ZBTB11: variants seen among roughly 807,000 people sequenced by gnomAD.
The protein encoded by ZBTB11 is zinc finger and BTB domain-containing protein 11.
ZBTB11 carries 68 observed loss-of-function variants against 113.1 expected under a neutral mutation model. The observed-to-expected ratio is 0.60, with a 90% CI of 0.49 to 0.74. The LOEUF is 0.74. ZBTB11 is among the 30% of genes least tolerant of loss of function. The pLI is 0.00. For missense variants in ZBTB11, 1,104 were observed against 1,279.4 expected (o/e 0.86, Z 2.09); for synonymous variants, 518 against 452.6 (o/e 1.14, Z -1.83).
Position 101,651,039 on chromosome 3 carries a change from AC to A in ZBTB11, c.*126del. 1 of 1,118,414 alleles carries A rather than the reference AC, an allele frequency of 8.9e-7. No individual in the cohort carries two copies. Among genetic ancestry groups the A allele is most frequent in the East Asian group, 2.5e-5 (1 of 40,338 alleles). 69.3% of individuals were successfully genotyped at this position (1,118,414 alleles called of 1,614,324 possible). A position where few individuals can be genotyped will look rare whatever the true frequency, so the allele number is the denominator to read the frequency against. On this transcript the variant is annotated 3_prime_UTR_variant, in exon 11 of 11. Transcript: ENST00000312938. The stretch of plus-strand genomic sequence containing the variant: ...GCCAGACAAAATGTTTGGAAACGTT[AC>A]GTTACCAAACAGCCCAGAACTTTGA...
chr3:101,653,884 G>C (rs1936748074), intron 8 of ZBTB11, among the ~76,000 whole-genome samples: 2 of 152,284 alleles, frequency 1.3e-5, no homozygotes, highest in South Asian at 2.1e-4. Flanking sequence ...GCAAAAGAGA[G>C]AGCTTCCTGG....
chr3:101,656,319 G>C, intron 6 of ZBTB11, 71 bp from the exon 7 acceptor site: 3 of 901,762 alleles, frequency 3.3e-6, no homozygotes, highest in Non-Finnish European at 4.5e-6. Context: ...TGAAGACAGA[G>C]AAAATGAATA....
intron 5 of ZBTB11, among the ~76,000 whole-genome samples, chr3:101,661,728 C>A (rs1180363400): frequency 1.3e-5 from 2 of 152,176 alleles, no homozygotes; most frequent in Non-Finnish European, 2.9e-5. Context: ...TACTTTAATA[C>A]AGTTTTATTT....
rs751383483 is a variant in ZBTB11, at chr3:101,659,916, G to A, written c.1913C>T (p.Ser638Leu). The change falls in exon 6 of 11, where the codon TCG becomes TTG. Residue 638 changes from serine (S) to leucine (L), a missense_variant. By Grantham distance (145) the Ser-to-Leu change is moderately radical. Around this residue, in one of 5 missense-constraint regions of ZBTB11, gnomAD observed 535 missense variants for 518.6 expected, o/e 1.03. Coordinates refer to ENST00000312938, the MANE Select transcript of ZBTB11 (RefSeq NM_014415.4). ...SSSNSTSNEA[S>L]GTSSEKGRTK... Reference sequence around the variant, plus strand: ...TCTGCCCTTCTCAGATGATGTTCCCGATGCTTCATTAGACGTGGAATTGGA... The same window carrying A: ...TCTGCCCTTCTCAGATGATGTTCCCAATGCTTCATTAGACGTGGAATTGGA... 10 of 1,614,154 alleles carry A rather than the reference G, an allele frequency of 6.2e-6. No individual in the cohort carries two copies. Among genetic ancestry groups the A allele is most frequent in the East Asian group, 2.2e-5 (1 of 44,868 alleles).
intron 3 of ZBTB11, 79 bp from the exon 4 acceptor site, chr3:101,665,887 T>C: frequency 7.3e-7 from 1 of 1,377,236 alleles, no homozygotes; most frequent in Non-Finnish European, 9.9e-7. Context: ...ATATAAAATA[T>C]AATTCAAAGG....
rs755732053 is a variant in ZBTB11, at chr3:101,654,664, TAATTA to T, written c.2309+35_2309+39del. 9 of 1,518,352 alleles carry T rather than the reference TAATTA, an allele frequency of 5.9e-6. No homozygotes were observed. The Admixed American group carries it at 1.1e-4, about 19-fold the overall frequency. The allele number at this position is 1,518,352 out of a possible 1,614,324, so 94.1% of individuals were successfully genotyped here. On this transcript the variant is annotated intron_variant, in intron 8 of 10. Transcript: ENST00000312938. ...TTTTTTTGAAAACTGAGTAAAAACA[TAATTA>T]AATTAACTGAATGCCTCACATATTG...
chr3:101,667,999 A>G (rs1937023477), intron 3 of ZBTB11, among the ~76,000 whole-genome samples: 1 of 152,214 alleles, frequency 6.6e-6, no homozygotes, highest in Non-Finnish European at 1.5e-5. Flanking sequence ...TGTGGTAAAT[A>G]TGCACAGTGG....
At chr3:101,662,360 C>A (rs1936906018) in intron 5 of ZBTB11, among the ~76,000 whole-genome samples, 1 of 152,208 alleles carries the variant, frequency 6.6e-6, no homozygotes, top group Non-Finnish European at 1.5e-5. Flanking sequence ...AGCAGTGGCT[C>A]ATGCCTATAA....
intron 1 of ZBTB11, among the ~76,000 whole-genome samples, chr3:101,676,108 G>C (rs1413039760): frequency 6.6e-6 from 1 of 152,224 alleles, no homozygotes; most frequent in Non-Finnish European, 1.5e-5. Context: ...GAACACTAGC[G>C]AATGTGTCCA....
In ZBTB11 at chr3:101,659,899, T is replaced by C; in HGVS notation, c.1930A>G (p.Lys644Glu). 1.9e-6 allele frequency: 3 copies of C among 1,614,216 alleles called. No homozygotes were observed. The highest frequency in any genetic ancestry group is 2.5e-6 in the Non-Finnish European group (3 of 1,180,036). The part of the protein sequence containing the change: ...SNEASGTSSE[K>E]GRTKREFICS... ...ATAAATTCCCGCTTGGTTCTGCCCT[T>C]CTCAGATGATGTTCCCGATGCTTCA... The change falls in exon 6 of 11, where the codon AAG becomes GAG. Residue 644 changes from lysine (K) to glutamate (E), a missense_variant. Coordinates refer to ENST00000312938, the MANE Select transcript of ZBTB11 (RefSeq NM_014415.4).
chr3:101,659,635 C>T (rs945201740), intron 6 of ZBTB11, 148 bp downstream of exon 6: 2 of 956,818 alleles, frequency 2.1e-6, no homozygotes, highest in East Asian at 2.5e-5. Context: ...AGGGAATCAC[C>T]TTTGATCTAG....
At chr3:101,659,745 A>G in intron 6 of ZBTB11, 38 bp downstream of exon 6, 1 of 1,607,596 alleles carries the variant, frequency 6.2e-7, no homozygotes, top group Non-Finnish European at 8.5e-7. Context: ...TTAAGTTCTA[A>G]TGTTCTTTAA....
At chr3:101,674,110 C>T (rs1378957361) in intron 1 of ZBTB11, among the ~76,000 whole-genome samples, 1 of 141,286 alleles carries the variant, frequency 7.1e-6, no homozygotes, top group African/African-American at 2.7e-5. Context: ...CTGAGGTGGG[C>T]GGATCATTTG....
At chr3:101,656,020 T>C (rs1936791379) in intron 7 of ZBTB11, 84 bp downstream of exon 7, 1 of 1,100,948 alleles carries the variant, frequency 9.1e-7, no homozygotes, top group Non-Finnish European at 1.2e-6. Context: ...ACTATCAGTT[T>C]ATCAATATAA....
intron 5 of ZBTB11, among the ~76,000 whole-genome samples, chr3:101,660,250 G>T (rs1462119548): frequency 6.6e-6 from 1 of 152,106 alleles, no homozygotes; most frequent in Non-Finnish European, 1.5e-5. Context: ...ATATCAACAA[G>T]GTTGGGCTTG....
Position 101,650,274 on chromosome 3 carries a change from C to G in ZBTB11, c.*892G>C, listed in dbSNP as rs139060420. On this transcript the variant is annotated 3_prime_UTR_variant, in exon 11 of 11. Coordinates refer to ENST00000312938, the MANE Select transcript of ZBTB11 (RefSeq NM_014415.4). ...TAAACAATTAAACATGATACAAAAG[C>G]TGAAAACATACCAAATCTAGTTTGT... 7.2e-5 allele frequency: 11 copies of G among 152,302 alleles called. No homozygotes were observed. The highest frequency in any genetic ancestry group is 1.6e-4 in the Non-Finnish European group (11 of 67,994). 9.4% of individuals were successfully genotyped at this position (152,302 alleles called of 1,614,324 possible).
At position 101,652,571 on chromosome 3, in the gene ZBTB11, C is replaced by G. The variant is rs1936723955; in HGVS notation, c.2569G>C (p.Glu857Gln). 3 of 1,614,144 alleles carry G rather than the reference C, an allele frequency of 1.9e-6. No homozygotes were observed. Among genetic ancestry groups the G allele is most frequent in the Non-Finnish European group, 2.5e-6 (3 of 1,180,028 alleles). ...GKKGRAKQNL[E>Q]RVCEKCGRKF... ...CTTCCACATTTTTCACACACCCGTTCCAGGTTTTGCTTTGCTCTTCCTTTC... is the reference window on the plus strand; with the variant it reads ...CTTCCACATTTTTCACACACCCGTTGCAGGTTTTGCTTTGCTCTTCCTTTC... The change falls in exon 10 of 11, where the codon GAA becomes CAA. Residue 857 changes from glutamate to glutamine, a missense_variant. Glu to Gln is a conservative substitution (Grantham distance 29, BLOSUM62 2). Coordinates refer to ENST00000312938, the MANE Select transcript of ZBTB11 (RefSeq NM_014415.4).
intron 6 of ZBTB11, among the ~76,000 whole-genome samples, 161 bp downstream of exon 6, chr3:101,659,622 C>T (rs1936853191): frequency 6.6e-6 from 1 of 152,146 alleles, no homozygotes; most frequent in Non-Finnish European, 1.5e-5. Flanking sequence ...TAAAAAACAC[C>T]ATAGGGAATC....
intron 6 of ZBTB11, among the ~76,000 whole-genome samples, chr3:101,658,464 C>T (rs190572889): frequency 1.6e-4 from 24 of 152,134 alleles, no homozygotes; most frequent in African/African-American, 4.6e-4. Flanking sequence ...CCTTGTGATC[C>T]GCCTGCCTCG....
Sources: allele counts gnomAD v4.1 joint callset (sites outside exome capture counted in the v4.1 genomes callset), GRCh38; gene constraint gnomAD v4.1.1; regional missense constraint gnomAD v4.1.1; transcripts MANE v1.5; gene names NCBI Gene and HGNC (gene_info 2026-07-23, HGNC 2026-07-21).